TENM2: variants seen among roughly 807,000 people sequenced by gnomAD.
The protein encoded by TENM2 is teneurin transmembrane protein 2.
Under a neutral mutation model 245.2 loss-of-function variants are expected in TENM2, and 52 were observed. The observed-to-expected ratio is 0.21, with a 90% confidence interval of 0.17 to 0.27. The LOEUF is 0.27. Among genes scored for constraint, TENM2 ranks in the 10% least tolerant of loss-of-function variants. The probability of loss-of-function intolerance (pLI) is 1.00; values close to 1 mark genes in which losing one functional copy is unlikely to be tolerated. For missense variants in TENM2, 3,046 were observed against 3,666.8 expected (o/e 0.83, Z 4.37); for synonymous variants, 1,363 against 1,438.9 (o/e 0.95, Z 1.19).
At chr5:167,654,408 G>A (rs1426988830) in intron 2 of TENM2, among the ~76,000 whole-genome samples, 1 of 152,098 alleles carries the variant, frequency 6.6e-6, no homozygotes, top group East Asian at 1.9e-4. Context: ...GAGAGCGAGT[G>A]CCTCCTTATC....
the TENM2 span, among the ~76,000 whole-genome samples, chr5:167,100,593 C>T: frequency 1.3e-5 from 2 of 152,058 alleles, no homozygotes; most frequent in Non-Finnish European, 2.9e-5. Flanking sequence ...AATAGTTGAA[C>T]ATTTCATCCC....
At chr5:168,176,655 T>C (rs575953253) in intron 13 of TENM2, among the ~76,000 whole-genome samples, 1 of 152,348 alleles carries the variant, frequency 6.6e-6, no homozygotes, top group South Asian at 2.1e-4. Context: ...TTGTTTATTG[T>C]CTATTTTCCC....
At chr5:167,354,217 G>C (rs1333899924) in intron 1 of TENM2, among the ~76,000 whole-genome samples, 3 of 152,134 alleles carry the variant, frequency 2.0e-5, no homozygotes, top group Non-Finnish European at 4.4e-5. Context: ...TGTCCTTATG[G>C]TGTCACAGTT....
chr5:168,225,283 TGAC>T lies in TENM2; in HGVS notation c.5109-804_5109-802del, dbSNP rs1305170685. Among the ~76,000 whole-genome samples the T allele has an allele frequency of 2.0e-5, 3 of 152,246 alleles. No homozygotes were observed. In the East Asian group the frequency reaches 5.8e-4, roughly 29 times the overall value. ...GCTGATTGTCCAGAGGCCTAGGAGA[TGAC>T]AAGTGAGACAAGGTTGGACTCCAGT... is the stretch of plus-strand genomic sequence containing the variant. On this transcript the variant is annotated intron_variant, in intron 23 of 28. Transcript: ENST00000518659.
intron 9 of TENM2, among the ~76,000 whole-genome samples, chr5:168,107,465 T>C (rs539793148): frequency 1.3e-5 from 2 of 152,206 alleles, no homozygotes; most frequent in South Asian, 2.1e-4. Flanking sequence ...TTGTTACCAA[T>C]GTGTATTTCC....
At position 168,121,572 on chromosome 5, in the gene TENM2, A is replaced by G. The variant is rs186188785; in HGVS notation, c.2008+3086A>G. Among the ~76,000 whole-genome samples the G allele has an allele frequency of 1.7e-3, 265 of 152,328 alleles. 8 individuals are homozygous for G. Among genetic ancestry groups the G allele is most frequent in the Non-Finnish European group, 2.4e-4 (16 of 68,024 alleles). Reference sequence around the variant, plus strand: ...TGATGGCATTCTAGTACCGGCGCTAATAAATCTCTGTGGATTTTCCTCCTT... The same window carrying G: ...TGATGGCATTCTAGTACCGGCGCTAGTAAATCTCTGTGGATTTTCCTCCTT... On this transcript the variant is annotated intron_variant, in intron 10 of 28. Coordinates refer to ENST00000518659, the Ensembl canonical transcript of TENM2.
At chr5:167,038,755 T>A in the TENM2 span, among the ~76,000 whole-genome samples, 2 of 152,184 alleles carry the variant, frequency 1.3e-5, no homozygotes, top group Admixed American at 1.3e-4. Flanking sequence ...CTTACCTCTT[T>A]GCTTTTAGAG....
chr5:167,654,153 G>T (rs1473979751), intron 2 of TENM2, among the ~76,000 whole-genome samples: 7 of 151,854 alleles, frequency 4.6e-5, no homozygotes, highest in Admixed American at 2.0e-4. Context: ...GGTACTGCCA[G>T]TTCAATGCGG....
intron 2 of TENM2, among the ~76,000 whole-genome samples, chr5:167,484,824 A>G (rs1383190363): frequency 1.3e-5 from 2 of 152,192 alleles, no homozygotes; most frequent in Non-Finnish European, 1.5e-5. Context: ...ACATCCATCA[A>G]AAAAATCAAA....
At chr5:167,731,424 A>G (rs1321848342) in intron 2 of TENM2, among the ~76,000 whole-genome samples, 2 of 152,044 alleles carry the variant, frequency 1.3e-5, no homozygotes, top group African/African-American at 4.8e-5. Context: ...TGAGATCTAA[A>G]CCAGGTCATT....
At chr5:167,358,257 A>G (rs1011257589) in intron 1 of TENM2, among the ~76,000 whole-genome samples, 10 of 152,144 alleles carry the variant, frequency 6.6e-5, no homozygotes, top group African/African-American at 2.4e-4. Flanking sequence ...AGACTTTCAC[A>G]TATACCCCTC....
chr5:167,152,895 A>G, the TENM2 span, among the ~76,000 whole-genome samples: 1 of 152,260 alleles, frequency 6.6e-6, no homozygotes, highest in Middle Eastern at 3.4e-3. Flanking sequence ...TTTTTGGACC[A>G]CAATTGACCA....
At chr5:167,268,772 T>G in the TENM2 span, among the ~76,000 whole-genome samples, 1 of 152,154 alleles carries the variant, frequency 6.6e-6, no homozygotes, top group Non-Finnish European at 1.5e-5. Context: ...ACATACCTTA[T>G]GATGTGCAAA....
At chr5:168,079,546 G>T (rs1025286170) in intron 7 of TENM2, among the ~76,000 whole-genome samples, 3 of 152,150 alleles carry the variant, frequency 2.0e-5, no homozygotes, top group Non-Finnish European at 2.9e-5. Context: ...TGCCCATTCA[G>T]TATGATATTG....
At chr5:167,643,789 G>A (rs1779756784) in intron 2 of TENM2, among the ~76,000 whole-genome samples, 2 of 152,168 alleles carry the variant, frequency 1.3e-5, no homozygotes, top group Admixed American at 1.3e-4. Flanking sequence ...GCCAACTGTG[G>A]TTAAAAAACA....
chr5:167,435,554 T>A (rs1024664095), intron 2 of TENM2, among the ~76,000 whole-genome samples: 43 of 152,198 alleles, frequency 2.8e-4, no homozygotes, highest in African/African-American at 9.7e-4. Context: ...GGGGGTATGT[T>A]TTTATCAGCA....
At chr5:167,920,502 G>C (rs150313241) in intron 3 of TENM2, among the ~76,000 whole-genome samples, 2,425 of 140,864 alleles carry the variant, frequency 0.017, 58 homozygotes, top group African/African-American at 0.061. Flanking sequence ...TGGGCAACAA[G>C]AGCGAAACTC....
intron 3 of TENM2, among the ~76,000 whole-genome samples, chr5:167,919,627 C>G (rs1777202148): frequency 1.3e-5 from 2 of 152,202 alleles, no homozygotes; most frequent in African/African-American, 4.8e-5. Flanking sequence ...AAAATGCTTT[C>G]TGAGAGCAGC....
chr5:167,053,925 T>C, the TENM2 span, among the ~76,000 whole-genome samples: 1 of 152,232 alleles, frequency 6.6e-6, no homozygotes, highest in East Asian at 1.9e-4. Context: ...CATAGCAAAA[T>C]TGAGCAAAGG....
Sources: allele counts gnomAD v4.1 joint callset (sites outside exome capture counted in the v4.1 genomes callset), GRCh38; gene constraint gnomAD v4.1.1; transcripts MANE v1.5; gene names NCBI Gene and HGNC (gene_info 2026-07-23, HGNC 2026-07-21).